Variants in ARK2N observed in about 807,000 individuals in gnomAD.
ARK2N encodes arkadia (RNF111) N-terminal like PKA signaling regulator 2N, also known as protein ARK2N.
the ARK2N span, among the ~76,000 whole-genome samples, chr18:46,194,459 T>G: frequency 6.7e-6 from 1 of 150,364 alleles, no homozygotes; most frequent in Non-Finnish European, 1.5e-5. Context: ...TACAGAATCT[T>G]TTTTTTGTTT....
the ARK2N span, chr18:46,263,246 G>C: frequency 1.1e-6 from 1 of 925,850 alleles, no homozygotes; most frequent in Non-Finnish European, 1.5e-6. Flanking sequence ...TCAAACTCAT[G>C]GAAAATTCCC....
chr18:46,265,089 T>A, the ARK2N span: 31 of 152,640 alleles, frequency 2.0e-4, no homozygotes, highest in African/African-American at 7.5e-4. Flanking sequence ...CTTCACATTT[T>A]ACTTTAGGAT....
At chr18:46,253,935 GA>G in the ARK2N span, 1 of 1,244,576 alleles carries the variant, frequency 8.0e-7, no homozygotes, top group Admixed American at 2.5e-5. Context: ...ATGAATGAAT[GA>G]TGGGAGTTCT....
the ARK2N span, among the ~76,000 whole-genome samples, chr18:46,211,126 A>G: frequency 6.6e-6 from 1 of 152,204 alleles, no homozygotes; most frequent in Non-Finnish European, 1.5e-5. Context: ...ATATTAAGTA[A>G]AATTAGGGCC....
At chr18:46,191,984 C>T in the ARK2N span, among the ~76,000 whole-genome samples, 1 of 152,134 alleles carries the variant, frequency 6.6e-6, no homozygotes, top group Admixed American at 6.5e-5. Context: ...CTTGGTAGCT[C>T]ACTTCTTCTT....
At chr18:46,201,393 A>G in the ARK2N span, among the ~76,000 whole-genome samples, 2 of 152,196 alleles carry the variant, frequency 1.3e-5, no homozygotes, top group East Asian at 3.8e-4. Context: ...TAGTTTCAAC[A>G]GACTCTGTGA....
chr18:46,198,854 C>G, the ARK2N span, among the ~76,000 whole-genome samples: 1 of 152,296 alleles, frequency 6.6e-6, no homozygotes, highest in African/African-American at 2.4e-5. Flanking sequence ...GCCTCGGCCT[C>G]CCAAAGTGCT....
At chr18:46,241,385 T>G in the ARK2N span, among the ~76,000 whole-genome samples, 36 of 152,310 alleles carry the variant, frequency 2.4e-4, no homozygotes, top group African/African-American at 8.2e-4. Flanking sequence ...CAAGTGTCTT[T>G]TAAGGATTTA....
the ARK2N span, among the ~76,000 whole-genome samples, chr18:46,203,604 T>G: frequency 2.0e-5 from 3 of 152,108 alleles, no homozygotes; most frequent in African/African-American, 7.2e-5. Context: ...AAATTTTTCT[T>G]AAGGTTTTTT....
chr18:46,220,104 T>G, the ARK2N span, among the ~76,000 whole-genome samples: 1 of 152,230 alleles, frequency 6.6e-6, no homozygotes, highest in Non-Finnish European at 1.5e-5. Flanking sequence ...GTCTTGTCTT[T>G]AATGACCTGC....
chr18:46,182,210 A>G, the ARK2N span, among the ~76,000 whole-genome samples: 4 of 152,182 alleles, frequency 2.6e-5, no homozygotes, highest in South Asian at 2.1e-4. Context: ...TTAACCTAGC[A>G]TAGAATCATA....
chr18:46,235,853 G>A, the ARK2N span, among the ~76,000 whole-genome samples: 1 of 152,162 alleles, frequency 6.6e-6, no homozygotes, highest in Admixed American at 6.5e-5. Flanking sequence ...GTTAGGTTTT[G>A]TTTTGATTTG....
chr18:46,248,056 T>C, the ARK2N span, among the ~76,000 whole-genome samples: 20,622 of 152,226 alleles, frequency 0.14, 1,755 homozygotes, highest in East Asian at 0.29. Flanking sequence ...GCAGGACTTG[T>C]AAGTAGAGAG....
chr18:46,223,768 G>T, the ARK2N span, among the ~76,000 whole-genome samples: 188 of 152,252 alleles, frequency 1.2e-3, 1 homozygote, highest in African/African-American at 4.0e-3. Context: ...AACAGTGAAA[G>T]AAGTCTCTGT....
the ARK2N span, chr18:46,264,863 C>A: frequency 6.6e-6 from 1 of 151,540 alleles, no homozygotes; most frequent in Non-Finnish European, 1.5e-5. Context: ...CTGATAGCAT[C>A]TCATTTGATC....
At chr18:46,224,158 A>G in the ARK2N span, among the ~76,000 whole-genome samples, 1 of 152,156 alleles carries the variant, frequency 6.6e-6, no homozygotes, top group Non-Finnish European at 1.5e-5. Flanking sequence ...GTGTTAACAG[A>G]TGCCTTTTGT....
chr18:46,222,524 A>T, the ARK2N span, among the ~76,000 whole-genome samples: 1 of 152,126 alleles, frequency 6.6e-6, no homozygotes, highest in African/African-American at 2.4e-5. Context: ...TCCTTTGGCA[A>T]TTTCTCATGT....
the ARK2N span, among the ~76,000 whole-genome samples, chr18:46,255,589 T>G: frequency 6.6e-6 from 1 of 151,474 alleles, no homozygotes; most frequent in African/African-American, 2.4e-5. Flanking sequence ...GTAGCTGGGA[T>G]TACAGGCATG....
chr18:46,244,089 G>C, the ARK2N span, among the ~76,000 whole-genome samples: 2,656 of 152,262 alleles, frequency 0.017, 73 homozygotes, highest in African/African-American at 0.06. Context: ...TGATGATTCT[G>C]TCAATAAATC....
Sources: gnomAD v4.1 joint callset for allele counts (sites outside exome capture counted in the v4.1 genomes callset) on GRCh38, gnomAD v4.1.1 for gene constraint, MANE v1.5 for transcripts, NCBI Gene and HGNC (gene_info 2026-07-23, HGNC 2026-07-21) for gene names.